The following CYTH1 variants were observed in gnomAD, a reference collection of about 807,000 sequenced individuals.
CYTH1 encodes the protein cytohesin-1.
A neutral mutation model predicts 61.8 loss-of-function variants in CYTH1; 18 were observed. The ratio of observed to expected loss-of-function variants is 0.29; its 90% CI spans 0.20 to 0.43. CYTH1 has a LOEUF of 0.43. Among genes scored for constraint, CYTH1 ranks in the 20% least tolerant of loss-of-function variants. The pLI is 1.00. For synonymous variants in CYTH1, 174 were observed against 184.3 expected, an observed-to-expected ratio of 0.94 and a Z score of 0.45; for missense variants, 336 against 510.5, an observed-to-expected ratio of 0.66 and a Z score of 3.29.
At chr17:78,739,940 T>TTTC (rs2093335753) in intron 1 of CYTH1, among the ~76,000 whole-genome samples, 1 of 151,914 alleles carries the variant, frequency 6.6e-6, no homozygotes, top group Non-Finnish European at 1.5e-5. Context: ...TGCTATCTTT[T>TTTC]CTTTTTTTTT....
chr17:78,715,936 G>A (rs1425614268), intron 1 of CYTH1, among the ~76,000 whole-genome samples: 1 of 152,128 alleles, frequency 6.6e-6, no homozygotes, highest in Non-Finnish European at 1.5e-5. Context: ...AAGTGGAGAG[G>A]GCAGCAGGGT....
chr17:78,696,057 C>T (rs763555356), intron 9 of CYTH1, 48 bp from the exon 10 acceptor site: 2 of 1,367,140 alleles, frequency 1.5e-6, no homozygotes, highest in African/African-American at 1.5e-5. Context: ...TGGAAACATA[C>T]AAATGAGGGA....
chr17:78,778,562 C>T (rs2093502876), intron 1 of CYTH1, among the ~76,000 whole-genome samples: 1 of 146,558 alleles, frequency 6.8e-6, no homozygotes, highest in Admixed American at 7.0e-5. Context: ...CACTTGAACC[C>T]AGCAGGCAGA....
At chr17:78,705,966 C>T (rs1385099445) in intron 3 of CYTH1, among the ~76,000 whole-genome samples, 2 of 152,052 alleles carry the variant, frequency 1.3e-5, no homozygotes, top group Non-Finnish European at 2.9e-5. Flanking sequence ...TGTGCAGACA[C>T]CGGAATATAC....
chr17:78,761,704 C>T (rs1289216094), intron 1 of CYTH1, among the ~76,000 whole-genome samples: 1 of 152,118 alleles, frequency 6.6e-6, no homozygotes, highest in East Asian at 1.9e-4. Flanking sequence ...CGCCACTGCA[C>T]TCCAGCCTGG....
In CYTH1 at chr17:78,718,218, T is replaced by TACACACACAC. The variant is rs55803104; in HGVS notation, c.23-8496_23-8487dup. ...ACCTGGAAGTTTCATAAACACTGAA[T>TACACACACAC]ACACACACACACACACACACACACA... is the stretch of plus-strand genomic sequence containing the variant. On this transcript the variant is annotated intron_variant, in intron 1 of 13. Coordinates refer to ENST00000446868, the MANE Select transcript of CYTH1 (RefSeq NM_004762.6). Among the ~76,000 whole-genome samples the TACACACACAC allele has an allele frequency of 8.2e-3, 1,058 of 128,362 alleles. 16 individuals carry two copies. The highest frequency in any genetic ancestry group is 0.022 in the African/African-American group (702 of 32,318). The allele number at this position is 128,362 out of a possible 152,430, so 84.2% of individuals were successfully genotyped here.
At chr17:78,775,957 T>C (rs7221601) in intron 1 of CYTH1, among the ~76,000 whole-genome samples, 82,341 of 151,686 alleles carry the variant, frequency 0.54, 22,438 homozygotes, top group East Asian at 0.61. Flanking sequence ...GAGTTTGAGA[T>C]CAGCCTGGCC....
chr17:78,699,869 A>T (rs2092989991), intron 7 of CYTH1, among the ~76,000 whole-genome samples: 1 of 152,176 alleles, frequency 6.6e-6, no homozygotes, highest in Non-Finnish European at 1.5e-5. Context: ...CACTGCGTGT[A>T]GTCGTAAACT....
At chr17:78,769,808 G>A (rs545260194) in intron 1 of CYTH1, among the ~76,000 whole-genome samples, 52 of 151,836 alleles carry the variant, frequency 3.4e-4, no homozygotes, top group Non-Finnish European at 7.1e-4. Context: ...CCTGAGGTTC[G>A]GAGTTCTAAA....
intron 1 of CYTH1, among the ~76,000 whole-genome samples, chr17:78,746,257 A>G (rs2093359119): frequency 1.3e-5 from 2 of 152,338 alleles, no homozygotes; most frequent in African/African-American, 4.8e-5. Context: ...CATCACTGCA[A>G]AGATAAAATT....
Position 78,767,736 on chromosome 17 carries a change from G to A in CYTH1, c.22+14466C>T, listed in dbSNP as rs376985024. ...TGGTGATAAAAGTTTAAAAATTAGA[G>A]AGGTCTAGAGGTAACACCAGAATGA... On this transcript the variant is annotated intron_variant, in intron 1 of 13. Transcript: ENST00000446868. Among the ~76,000 whole-genome samples the A allele has an allele frequency of 4.8e-4, 73 of 152,092 alleles. 1 individual carries two copies. In the South Asian group the frequency reaches 0.015, roughly 30 times the overall value.
In CYTH1 at chr17:78,692,441, G is replaced by A; in HGVS notation, c.867C>T (p.Cys289=). Residue 289 remains cysteine (C), a synonymous_variant, in exon 11 of 14, where the codon TGC becomes TGT. Coordinates refer to ENST00000446868, the MANE Select transcript of CYTH1 (RefSeq NM_004762.6). ...CCGTGGTATACTCAAAGTAGTAAAG[G>A]CAGTTGTCAGTCAGAATGAACCAGC... The part of the protein sequence containing the change: ...KRRWFILTDN[C]LYYFEYTTDK... The A allele has an allele frequency of 1.9e-6, 3 of 1,614,066 alleles. No individual in the cohort carries two copies. Among genetic ancestry groups the A allele is most frequent in the Non-Finnish European group, 2.5e-6 (3 of 1,180,022 alleles).
At position 78,700,257 on chromosome 17, in the gene CYTH1, G is replaced by A; in HGVS notation, c.550+74C>T. On this transcript the variant is annotated intron_variant, in intron 7 of 13. Coordinates refer to ENST00000446868, the MANE Select transcript of CYTH1 (RefSeq NM_004762.6). The surrounding 1 kb of genome is among the most constrained non-coding windows in gnomAD (Gnocchi z 5.1). The stretch of plus-strand genomic sequence containing the variant: ...CATGAATCTCAGCCCTTTTGTTTTA[G>A]AAATTATCTGGTGCCAAGAAAATAA... 2.3e-6 allele frequency: 3 copies of A among 1,324,290 alleles called. No individual in the cohort carries two copies. In the South Asian group the frequency reaches 4.3e-5, roughly 19 times the overall value. The allele number at this position is 1,324,290 out of a possible 1,614,324, so 82.0% of individuals were successfully genotyped here. A position where few individuals can be genotyped will look rare whatever the true frequency, so the allele number is the denominator to read the frequency against.
intron 1 of CYTH1, among the ~76,000 whole-genome samples, chr17:78,755,749 CATAA>C (rs766411846): frequency 3.2e-4 from 49 of 151,674 alleles, no homozygotes; most frequent in Non-Finnish European, 6.6e-4. Flanking sequence ...GTCTGGGCAA[CATAA>C]ATAAACAATT....
At chr17:78,780,294 C>A (rs1261327837) in intron 1 of CYTH1, among the ~76,000 whole-genome samples, 1 of 151,202 alleles carries the variant, frequency 6.6e-6, no homozygotes. Context: ...AAGATAGGAA[C>A]TGGAGTTCAC....
At chr17:78,719,027 A>G (rs1203925850) in intron 1 of CYTH1, among the ~76,000 whole-genome samples, 2 of 152,224 alleles carry the variant, frequency 1.3e-5, no homozygotes, top group Non-Finnish European at 2.9e-5. Context: ...CCCTGGAAGC[A>G]TCCACTGAGA....
intron 1 of CYTH1, among the ~76,000 whole-genome samples, chr17:78,767,195 T>C (rs1266034478): frequency 6.6e-6 from 1 of 152,184 alleles, no homozygotes; most frequent in African/African-American, 2.4e-5. Flanking sequence ...CAGCCGGGCA[T>C]GGTGTCTCAC....
At chr17:78,758,747 A>C (rs959905763) in intron 1 of CYTH1, among the ~76,000 whole-genome samples, 1 of 152,018 alleles carries the variant, frequency 6.6e-6, no homozygotes, top group African/African-American at 2.4e-5. Context: ...AAAAGAAAGG[A>C]AAGTGCTAAG....
chr17:78,681,665 G>A (rs962424059), intron 11 of CYTH1, among the ~76,000 whole-genome samples: 1 of 152,088 alleles, frequency 6.6e-6, no homozygotes, highest in African/African-American at 2.4e-5. Flanking sequence ...GCACACGCCT[G>A]ACGGCAGTTT....
Sources: allele counts gnomAD v4.1 joint callset (sites outside exome capture counted in the v4.1 genomes callset), GRCh38; gene constraint gnomAD v4.1.1; non-coding constraint Gnocchi (gnomAD v3.1); transcripts MANE v1.5; gene names NCBI Gene and HGNC (gene_info 2026-07-23, HGNC 2026-07-21).